OTOG: variants seen among roughly 807,000 people sequenced by gnomAD.
OTOG encodes the protein otogelin.
A neutral mutation model predicts 313.8 loss-of-function variants in OTOG; 296 were observed. The observed-to-expected ratio is 0.94, with a 90% CI of 0.86 to 1.04. The LOEUF (loss-of-function observed/expected upper bound fraction) is 1.04, where lower values mean the gene tolerates loss of function less well. Among genes scored for constraint, OTOG ranks in the 50% least tolerant of loss-of-function variants. The probability of loss-of-function intolerance (pLI) is 0.00; values close to 1 mark genes in which losing one functional copy is unlikely to be tolerated. For synonymous variants in OTOG, 1,533 were observed against 1,554.9 expected (o/e 0.99, Z 0.33); for missense variants, 3,948 against 3,840.1 (o/e 1.03, Z -0.74).
At chr11:17,596,794 A>T in intron 29 of OTOG, 57 bp from the exon 30 acceptor site, 2 of 1,464,704 alleles carry the variant, frequency 1.4e-6, no homozygotes, top group Non-Finnish European at 1.9e-6. Flanking sequence ...AGCTGAAAAG[A>T]TGCAGATCTG....
intron 54 of OTOG, among the ~76,000 whole-genome samples, chr11:17,643,821 A>G (rs1347827309): frequency 1.3e-5 from 2 of 152,178 alleles, no homozygotes; most frequent in South Asian, 4.1e-4. Context: ...GCCCCTGCCA[A>G]GGCCCCCAGC....
In OTOG at chr11:17,593,652, T is replaced by A; in HGVS notation, c.3184T>A (p.Trp1062Arg). Residue 1062 changes from tryptophan (W) to arginine (R), a missense_variant, in exon 27 of 56, where the codon TGG becomes AGG. Trp to Arg is a moderately radical substitution (Grantham distance 101). Coordinates refer to ENST00000399397, the MANE Select transcript of OTOG (RefSeq NM_001292063.2). ...FLDDKQEVHT[W>R]RVGFFTLVHF... ...GGATGACAAGCAGGAGGTCCACACATGGCGAGTGGGATTTTTCACACTGGT... is the reference window on the plus strand; with the variant it reads ...GGATGACAAGCAGGAGGTCCACACAAGGCGAGTGGGATTTTTCACACTGGT... The A allele has an allele frequency of 6.5e-7, 1 of 1,549,124 alleles. No homozygotes were observed. The highest frequency in any genetic ancestry group is 8.7e-7 in the Non-Finnish European group (1 of 1,146,978).
At chr11:17,624,502 A>G (rs554979206) in intron 39 of OTOG, among the ~76,000 whole-genome samples, 1 of 152,126 alleles carries the variant, frequency 6.6e-6, no homozygotes, top group East Asian at 1.9e-4. Flanking sequence ...ATTCTGTTCC[A>G]TTGGTCTATG....
intron 39 of OTOG, among the ~76,000 whole-genome samples, chr11:17,624,958 A>G (rs774541241): frequency 1.3e-5 from 2 of 152,038 alleles, no homozygotes; most frequent in Non-Finnish European, 2.9e-5. Flanking sequence ...CTCTCGGCTT[A>G]GCTATTGTTG....
intron 26 of OTOG, 23 bp downstream of exon 26, chr11:17,593,350 G>T: frequency 6.5e-7 from 1 of 1,549,980 alleles, no homozygotes; most frequent in Non-Finnish European, 8.7e-7. Flanking sequence ...GCCTGTGAAG[G>T]TTGTGTAGAC....
At chr11:17,593,884 T>C (rs1853020966) in intron 27 of OTOG, 128 bp downstream of exon 27, 1 of 1,397,480 alleles carries the variant, frequency 7.2e-7, no homozygotes, top group East Asian at 2.5e-5. Flanking sequence ...TCCGCCCTGC[T>C]CTGGGCCCCT....
chr11:17,633,545 T>G, intron 42 of OTOG, 135 bp from the exon 43 acceptor site: 1 of 813,436 alleles, frequency 1.2e-6, no homozygotes, highest in Non-Finnish European at 1.8e-6. Flanking sequence ...ACCAAGCCCT[T>G]TAACTTATGC....
Position 17,611,376 on chromosome 11 carries a change from G to T in OTOG, c.6076G>T (p.Glu2026Ter). 1 of 1,543,636 alleles carries T rather than the reference G, an allele frequency of 6.5e-7. No individual in the cohort carries two copies. Among genetic ancestry groups the T allele is most frequent in the South Asian group, 1.2e-5 (1 of 83,684 alleles). Residue 2026 changes from glutamate to a stop codon, truncating the protein, a stop_gained, in exon 36 of 56, where the codon GAG (glutamate) becomes TAG (stop). Coordinates refer to ENST00000399397, the MANE Select transcript of OTOG (RefSeq NM_001292063.2). LOFTEE classifies it high-confidence loss of function. ...PALSIVEGLA[E>*]ALATTTEANT... The stretch of plus-strand genomic sequence containing the variant: ...CCTGAGCATCGTAGAGGGTTTGGCG[G>T]AGGCTTTGGCAACTACCACTGAGGC...
chr11:17,550,025 G>T (rs1423587567), intron 3 of OTOG, among the ~76,000 whole-genome samples: 1 of 152,138 alleles, frequency 6.6e-6, no homozygotes, highest in Non-Finnish European at 1.5e-5. Flanking sequence ...TGTAGACAGG[G>T]GTCCATGGAT....
chr11:17,561,907 G>A (rs943916768), intron 15 of OTOG, 100 bp downstream of exon 15: 20 of 1,389,416 alleles, frequency 1.4e-5, no homozygotes, highest in South Asian at 2.7e-5. Context: ...TCTTCCCATG[G>A]CCCCCACCTG....
At chr11:17,600,593 G>T (rs146255270) in intron 31 of OTOG, among the ~76,000 whole-genome samples, 1 of 152,248 alleles carries the variant, frequency 6.6e-6, no homozygotes, top group Middle Eastern at 3.4e-3. Context: ...GATGACGGCC[G>T]GACCAGGGTG....
intron 39 of OTOG, among the ~76,000 whole-genome samples, chr11:17,615,561 T>C (rs1013127498): frequency 6.6e-6 from 1 of 152,250 alleles, no homozygotes; most frequent in Non-Finnish European, 1.5e-5. Context: ...TTTTCAAATG[T>C]GAATACTCAA....
intron 8 of OTOG, 35 bp downstream of exon 8, chr11:17,557,358 G>A: frequency 6.5e-7 from 1 of 1,543,802 alleles, no homozygotes; most frequent in Non-Finnish European, 8.8e-7. Flanking sequence ...GAGGGGTGTT[G>A]GTGGGGATGG....
At chr11:17,632,247 G>C (rs1476648257) in intron 42 of OTOG, 21 bp downstream of exon 42, 1 of 1,543,952 alleles carries the variant, frequency 6.5e-7, no homozygotes, top group Admixed American at 2.0e-5. Context: ...GGGGCAGGGG[G>C]ACCCTCCATT....
chr11:17,596,233 A>C, intron 29 of OTOG, 79 bp downstream of exon 29: 1 of 1,045,668 alleles, frequency 9.6e-7, no homozygotes, highest in East Asian at 2.6e-5. Context: ...AGACTCCCCC[A>C]TGTCTCAGAG....
At position 17,634,192 on chromosome 11, in the gene OTOG, C is replaced by G. The variant is rs1373246245; in HGVS notation, c.7391C>G (p.Pro2464Arg). 1 of 1,550,444 alleles carries G rather than the reference C, an allele frequency of 6.4e-7. No individual in the cohort carries two copies. ...ATTGTCCCGGTGGATCTGGGCTGCC[C>G]CAGTCCCCGCCCTGAGAGCTGCCTG... ...DTIVPVDLGC[P>R]SPRPESCLRF... Residue 2464 changes from proline to arginine, a missense_variant, in exon 44 of 56, where the codon CCC becomes CGC. Coordinates refer to ENST00000399397, the MANE Select transcript of OTOG (RefSeq NM_001292063.2).
chr11:17,562,237 CA>C (rs759962274), intron 15 of OTOG, among the ~76,000 whole-genome samples: 9,439 of 62,566 alleles, frequency 0.15, 516 homozygotes, highest in African/African-American at 0.34. Context: ...GACTCCGTCT[CA>C]AAAAAAAAAA....
intron 42 of OTOG, among the ~76,000 whole-genome samples, chr11:17,633,130 T>C (rs993180159): frequency 5.9e-5 from 9 of 152,224 alleles, no homozygotes; most frequent in East Asian, 1.9e-4. Context: ...AGAGATTCAA[T>C]TGGCCTGGGG....
chr11:17,610,508 G>A lies in OTOG; in HGVS notation c.5208G>A (p.Ser1736=), dbSNP rs1407961688. 77 of 1,550,208 alleles carry A rather than the reference G, an allele frequency of 5.0e-5. 1 individual carries two copies. The highest frequency in any genetic ancestry group is 6.1e-5 in the Non-Finnish European group (70 of 1,146,920). The change falls in exon 36 of 56, where the codon TCG becomes TCA. Residue 1736 remains serine (S), a synonymous_variant. Coordinates refer to ENST00000399397, the MANE Select transcript of OTOG (RefSeq NM_001292063.2). ...GEAGHSQPMG[S]PASPQPHPLP... Reference sequence around the variant, plus strand: ...CCGGGCACAGCCAGCCCATGGGCTCGCCTGCCTCCCCACAGCCACACCCAC... The same window carrying A: ...CCGGGCACAGCCAGCCCATGGGCTCACCTGCCTCCCCACAGCCACACCCAC...
Sources: allele counts gnomAD v4.1 joint callset (sites outside exome capture counted in the v4.1 genomes callset), GRCh38; gene constraint gnomAD v4.1.1; transcripts MANE v1.5; gene names NCBI Gene and HGNC (gene_info 2026-07-23, HGNC 2026-07-21).